ZBTB45: variants seen among roughly 807,000 people sequenced by gnomAD.
The protein encoded by ZBTB45 is zinc finger and BTB domain containing 45.
Under a neutral mutation model 28.4 loss-of-function variants are expected in ZBTB45, and 22 were observed. That is an observed-to-expected ratio of 0.77 (90% confidence interval 0.55 to 1.10). The LOEUF (loss-of-function observed/expected upper bound fraction) is 1.10, where lower values mean the gene tolerates loss of function less well. Ranked by LOEUF, ZBTB45 falls within the 50% of genes least tolerant of loss-of-function variation. The probability of loss-of-function intolerance (pLI) is 0.00; values close to 1 mark genes in which losing one functional copy is unlikely to be tolerated. For missense variants in ZBTB45, 656 were observed against 750.2 expected, an observed-to-expected ratio of 0.87 and a Z score of 1.47; for synonymous variants, 361 against 332.3, an observed-to-expected ratio of 1.09 and a Z score of -0.94.
At chr19:58,517,896 A>G (rs2053534314) in intron 1 of ZBTB45, among the ~76,000 whole-genome samples, 1 of 146,450 alleles carries the variant, frequency 6.8e-6, no homozygotes, top group Non-Finnish European at 1.5e-5. Flanking sequence ...CAGGCCGTCT[A>G]CAGCCCCCCA....
chr19:58,527,215 A>T (rs573494910), intron 1 of ZBTB45, among the ~76,000 whole-genome samples: 4 of 151,974 alleles, frequency 2.6e-5, no homozygotes, highest in Non-Finnish European at 4.4e-5. Flanking sequence ...GAATTCCACC[A>T]CCCACAGTAG....
At chr19:58,534,306 C>T (rs1285008031) in intron 1 of ZBTB45, among the ~76,000 whole-genome samples, 1 of 152,134 alleles carries the variant, frequency 6.6e-6, no homozygotes, top group African/African-American at 2.4e-5. Flanking sequence ...GGTGGCTGCA[C>T]AACATTGTGA....
Position 58,514,318 on chromosome 19 carries a change from A to T in ZBTB45, c.1280-8T>A, listed in dbSNP as rs4801602. The T allele has an allele frequency of 1.3e-6, 2 of 1,590,092 alleles. No individual in the cohort carries two copies. The highest frequency in any genetic ancestry group is 1.7e-6 in the Non-Finnish European group (2 of 1,165,082). ...ACTGGTGCGGCTTCTCCCCTGCGGA[A>T]GACAGGGCGGGCCGCGAACGCAAGT... is the stretch of plus-strand genomic sequence containing the variant. On this transcript the variant is annotated splice_polypyrimidine_tract_variant and splice_region_variant and intron_variant, in intron 2 of 2. Coordinates refer to ENST00000594051, the MANE Select transcript of ZBTB45 (RefSeq NM_001316979.2).
At chr19:58,519,473 C>G (rs2053558621) in intron 1 of ZBTB45, 1 of 152,792 alleles carries the variant, frequency 6.5e-6, no homozygotes, top group African/African-American at 2.4e-5. Flanking sequence ...CGGCGCCGCA[C>G]ACTCCCGCCA....
At chr19:58,524,433 A>ATATG (rs770730484), upstream of ZBTB45, among the ~76,000 whole-genome samples, 9 of 111,792 alleles carry the variant, frequency 8.1e-5, no homozygotes, top group African/African-American at 3.5e-4. Flanking sequence ...GTGTGTTCAT[A>ATATG]TATGTGTGTG....
At chr19:58,532,271 A>T (rs1161501217) in intron 1 of ZBTB45, among the ~76,000 whole-genome samples, 1 of 152,186 alleles carries the variant, frequency 6.6e-6, no homozygotes, top group Non-Finnish European at 1.5e-5. Context: ...TTACCTTATT[A>T]GGAAAAGGGG....
In ZBTB45 at chr19:58,517,600, C is replaced by T; in HGVS notation, c.74G>A (p.Gly25Glu). The change falls in exon 2 of 3, where the codon GGG (glycine) becomes GAG (glutamate). Residue 25 changes from glycine to glutamate, a missense_variant. Gly to Glu is a moderately conservative substitution (Grantham distance 98). Transcript: ENST00000594051. ...FSRSLLETLN[G>E]QRLGGHFCDV... is the part of the protein sequence containing the mutation. Reference sequence around the variant, plus strand: ...ACAGAAGTGTCCCCCAAGCCTCTGCCCATTGAGGGTCTCAAGCAGAGAGCG... The same window carrying T: ...ACAGAAGTGTCCCCCAAGCCTCTGCTCATTGAGGGTCTCAAGCAGAGAGCG... The T allele has an allele frequency of 6.2e-7, 1 of 1,613,906 alleles. No individual in the cohort carries two copies. Among genetic ancestry groups the T allele is most frequent in the Non-Finnish European group, 8.5e-7 (1 of 1,179,982 alleles).
intron 1 of ZBTB45, among the ~76,000 whole-genome samples, chr19:58,532,257 AGT>A (rs1308587631): frequency 3.3e-5 from 5 of 152,202 alleles, no homozygotes; most frequent in Non-Finnish European, 1.5e-5. Context: ...GAAACCTGGA[AGT>A]GTTACCTTAT....
At chr19:58,527,699 G>T (rs1046572910) in intron 1 of ZBTB45, among the ~76,000 whole-genome samples, 1 of 152,184 alleles carries the variant, frequency 6.6e-6, no homozygotes, top group African/African-American at 2.4e-5. Context: ...CCGTCTTCCT[G>T]CTGGACCCAT....
chr19:58,530,463 C>T (rs146897431), intron 1 of ZBTB45, among the ~76,000 whole-genome samples: 4 of 152,010 alleles, frequency 2.6e-5, no homozygotes, highest in Non-Finnish European at 4.4e-5. Context: ...CGTGCCAACA[C>T]GCCTGGCTAA....
chr19:58,533,991 A>C (rs1242159178), intron 1 of ZBTB45, among the ~76,000 whole-genome samples: 1 of 152,192 alleles, frequency 6.6e-6, no homozygotes, highest in Non-Finnish European at 1.5e-5. Flanking sequence ...CAGAGAAGTA[A>C]AGCCCCATGT....
chr19:58,533,132 G>A lies in ZBTB45; in HGVS notation c.-1+5569C>T, dbSNP rs140278699. Among the ~76,000 whole-genome samples the A allele has an allele frequency of 1.8e-4, 27 of 152,214 alleles. No homozygotes were observed. In the East Asian group the frequency reaches 4.3e-3, roughly 24 times the overall value. On this transcript the variant is annotated intron_variant, in intron 1 of 1. Coordinates refer to the ZBTB45 transcript ENST00000600130. The stretch of plus-strand genomic sequence containing the variant: ...ATTACAGGCGTGAGCCACCACGTCC[G>A]GCCTAATTTTTATATTTTTAGTAGA...
In ZBTB45 at chr19:58,513,946, C is replaced by A. The variant is rs1360953635; in HGVS notation, c.*108G>T. The A allele has an allele frequency of 2.3e-6, 3 of 1,287,680 alleles. No individual in the cohort carries two copies. The highest frequency in any genetic ancestry group is 3.2e-5 in the African/African-American group (2 of 63,476). The allele number at this position is 1,287,680 out of a possible 1,614,324, so 79.8% of individuals were successfully genotyped here. A position where few individuals can be genotyped will look rare whatever the true frequency, so the allele number is the denominator to read the frequency against. ...TGAAGGGAGAGAGAGGACCTGCGCTCAGGAGGGAGCGTGGTCTAGTGGCGG... is the reference window on the plus strand; with the variant it reads ...TGAAGGGAGAGAGAGGACCTGCGCTAAGGAGGGAGCGTGGTCTAGTGGCGG... On this transcript the variant is annotated 3_prime_UTR_variant, in exon 3 of 3. Transcript: ENST00000594051.
At chr19:58,529,989 G>T (rs1296318258) in intron 1 of ZBTB45, among the ~76,000 whole-genome samples, 1 of 152,126 alleles carries the variant, frequency 6.6e-6, no homozygotes, top group Non-Finnish European at 1.5e-5. Flanking sequence ...GATCACTTGA[G>T]CACAGGAGTT....
In ZBTB45 at chr19:58,517,144, G is replaced by A. The variant is rs750055767; in HGVS notation, c.530C>T (p.Ala177Val). The A allele has an allele frequency of 1.2e-5, 20 of 1,612,052 alleles. 1 individual carries two copies. The South Asian group carries it at 1.4e-4, about 12-fold the overall frequency. The change falls in exon 2 of 3, where the codon GCG becomes GTG. Residue 177 changes from alanine to valine, a missense_variant. Coordinates refer to ENST00000594051, the MANE Select transcript of ZBTB45 (RefSeq NM_001316979.2). Reference protein sequence around the residue: ...AAHSRKQRQPARLQLPAPPTP... With the variant: ...AAHSRKQRQPVRLQLPAPPTP... ...TGGGGGCGCTGGCAGCTGCAAACGCGCGGGCTGGCGCTGCTTACGGCTGTG... is the reference window on the plus strand; with the variant it reads ...TGGGGGCGCTGGCAGCTGCAAACGCACGGGCTGGCGCTGCTTACGGCTGTG...
chr19:58,515,446 T>C lies in ZBTB45; in HGVS notation c.1279+949A>G, dbSNP rs1391020464. ...ATCACACACTTCACACAGCCAGCAC[T>C]ACCCTGGGGCCTCTGGCAGTTCCCT... is the stretch of plus-strand genomic sequence containing the variant. On this transcript the variant is annotated intron_variant, in intron 2 of 2. Transcript: ENST00000594051. This position sits in a 1 kb window ranked among gnomAD's most constrained non-coding sequence, Gnocchi z 4.7. Among the ~76,000 whole-genome samples, 14 of 151,996 alleles carry C rather than the reference T, an allele frequency of 9.2e-5. No individual in the cohort carries two copies. Among genetic ancestry groups the C allele is most frequent in the Admixed American group, 9.2e-4 (14 of 15,258 alleles).
intron 1 of ZBTB45, among the ~76,000 whole-genome samples, chr19:58,530,209 G>GCACACACACACA (rs111340524): frequency 0.012 from 1,828 of 148,586 alleles, 14 homozygotes; most frequent in Non-Finnish European, 0.017. Flanking sequence ...GAGAGCGCAT[G>GCACACACACACA]CACACACACA....
chr19:58,527,734 G>A (rs1289081364), intron 1 of ZBTB45, among the ~76,000 whole-genome samples: 2 of 152,168 alleles, frequency 1.3e-5, no homozygotes, highest in East Asian at 3.9e-4. Flanking sequence ...CAGTCCAGGA[G>A]GAATCAACCT....
chr19:58,514,623 G>T (rs1379704516), intron 2 of ZBTB45, among the ~76,000 whole-genome samples: 1 of 151,926 alleles, frequency 6.6e-6, no homozygotes, highest in Non-Finnish European at 1.5e-5. Context: ...GTTATCCTGG[G>T]ATATCACTGT....
Sources: allele counts gnomAD v4.1 joint callset (sites outside exome capture counted in the v4.1 genomes callset), GRCh38; gene constraint gnomAD v4.1.1; non-coding constraint Gnocchi (gnomAD v3.1); transcripts MANE v1.5; gene names NCBI Gene and HGNC (gene_info 2026-07-23, HGNC 2026-07-21).